ZC3H11A: variants seen among roughly 807,000 people sequenced by gnomAD.
The protein encoded by ZC3H11A is zinc finger CCCH domain-containing protein 11A.
Under a neutral mutation model 90.8 loss-of-function variants are expected in ZC3H11A, and 22 were observed. The observed-to-expected ratio is 0.24, with a 90% CI of 0.17 to 0.35. ZC3H11A has a LOEUF of 0.35. ZC3H11A is among the 10% of genes least tolerant of loss of function. ZC3H11A has a pLI of 1.00. For missense variants in ZC3H11A, 701 were observed against 964.9 expected, an observed-to-expected ratio of 0.73 and a Z score of 3.62; for synonymous variants, 294 against 339.8, an observed-to-expected ratio of 0.87 and a Z score of 1.48.
intron 5 of ZC3H11A, chr1:203,829,159 T>C: frequency 2.5e-6 from 1 of 399,364 alleles, no homozygotes. Flanking sequence ...AGAATTGCAG[T>C]ATTAAAATTA....
chr1:203,825,704 C>T (rs1021742173), intron 4 of ZC3H11A, among the ~76,000 whole-genome samples: 2 of 151,978 alleles, frequency 1.3e-5, no homozygotes, highest in Non-Finnish European at 2.9e-5. Context: ...AGATTACAGG[C>T]GTGAGCCACC....
rs779729339 is a variant in ZC3H11A, at chr1:203,815,211, C to CTTTCTTTTTTTT, written c.-145-1712_-145-1711insCTTTTTTTTTTT. ...GTTATTTCATTATTTTCTTCCTTTT[C>CTTTCTTTTTTTT]TTTTCTTTTTTTTTTTTTTTTGAGA... On this transcript the variant is annotated intron_variant, in intron 2 of 17. Transcript: ENST00000367210. Among the ~76,000 whole-genome samples, 19 of 59,410 alleles carry CTTTCTTTTTTTT rather than the reference C, an allele frequency of 3.2e-4. 1 individual carries two copies. Among genetic ancestry groups the CTTTCTTTTTTTT allele is most frequent in the East Asian group, 1.1e-3 (3 of 2,710 alleles). 39.0% of individuals were successfully genotyped at this position (59,410 alleles called of 152,430 possible). A position where few individuals can be genotyped will look rare whatever the true frequency, so the allele number is the denominator to read the frequency against.
chr1:203,819,253 A>T (rs1160097222), intron 4 of ZC3H11A, among the ~76,000 whole-genome samples: 1 of 137,862 alleles, frequency 7.3e-6, no homozygotes, highest in South Asian at 2.3e-4. Context: ...ACGGAGTCTC[A>T]CTCTGTCGCC....
chr1:203,815,379 C>CT (rs397711285), intron 2 of ZC3H11A, among the ~76,000 whole-genome samples: 58,682 of 96,164 alleles, frequency 0.61, 18,401 homozygotes, highest in Middle Eastern at 0.66. Context: ...CCACACCCAG[C>CT]TTTTTTTTTT....
intron 2 of ZC3H11A, among the ~76,000 whole-genome samples, chr1:203,807,416 G>A (rs536477486): frequency 6.6e-6 from 1 of 152,250 alleles, no homozygotes; most frequent in Admixed American, 6.5e-5. Flanking sequence ...CCCCTGAGTA[G>A]CTGGGATTAC....
chr1:203,834,557 A>G (rs1292467431), intron 10 of ZC3H11A, among the ~76,000 whole-genome samples: 1 of 151,696 alleles, frequency 6.6e-6, no homozygotes, highest in Non-Finnish European at 1.5e-5. Context: ...CAGGCATGAG[A>G]TACCATGCTT....
intron 9 of ZC3H11A, 28 bp downstream of exon 9, chr1:203,831,799 T>C (rs1249163047): frequency 1.9e-6 from 3 of 1,556,536 alleles, no homozygotes; most frequent in Non-Finnish European, 1.8e-6. Flanking sequence ...CTTAGAGTTG[T>C]CAAGCCTCTA....
intron 9 of ZC3H11A, among the ~76,000 whole-genome samples, chr1:203,832,843 C>T (rs561485277): frequency 5.3e-5 from 8 of 152,312 alleles, no homozygotes; most frequent in Middle Eastern, 6.8e-3. Flanking sequence ...CAGTTTCATT[C>T]AACATATCAA....
chr1:203,848,558 G>A (rs1451512174), intron 14 of ZC3H11A, 151 bp downstream of exon 14: 4 of 643,152 alleles, frequency 6.2e-6, no homozygotes, highest in Non-Finnish European at 1.0e-5. Context: ...AGAATTTCCT[G>A]TAGTTCTATG....
chr1:203,842,224 A>G (rs1686574130), intron 12 of ZC3H11A, among the ~76,000 whole-genome samples: 1 of 152,130 alleles, frequency 6.6e-6, no homozygotes, highest in African/African-American at 2.4e-5. Context: ...CTGCAATCTC[A>G]GCACTTTGGG....
chr1:203,822,000 G>T (rs189957531), intron 4 of ZC3H11A, among the ~76,000 whole-genome samples: 1 of 151,936 alleles, frequency 6.6e-6, no homozygotes, highest in Non-Finnish European at 1.5e-5. Flanking sequence ...CTCGTGATCC[G>T]CCCGCCTTGG....
chr1:203,819,176 G>T (rs920274135), intron 4 of ZC3H11A, among the ~76,000 whole-genome samples: 1 of 148,030 alleles, frequency 6.8e-6, no homozygotes, highest in Non-Finnish European at 1.5e-5. Flanking sequence ...ATATGTGTGT[G>T]TATATATATA....
intron 3 of ZC3H11A, among the ~76,000 whole-genome samples, chr1:203,817,381 A>G (rs1455170625): frequency 6.7e-6 from 1 of 149,694 alleles, no homozygotes; most frequent in Non-Finnish European, 1.5e-5. Context: ...TCAGTGTTCA[A>G]AATTAATCTG....
In ZC3H11A at chr1:203,815,211, C is replaced by CTTTCTTTTT. The variant is rs779729339; in HGVS notation, c.-145-1712_-145-1711insCTTTTTTTT. On this transcript the variant is annotated intron_variant, in intron 2 of 17. Transcript: ENST00000367210. ...GTTATTTCATTATTTTCTTCCTTTT[C>CTTTCTTTTT]TTTTCTTTTTTTTTTTTTTTTGAGA... Among the ~76,000 whole-genome samples, 91 of 59,368 alleles carry CTTTCTTTTT rather than the reference C, an allele frequency of 1.5e-3. 2 individuals are homozygous for CTTTCTTTTT. The highest frequency in any genetic ancestry group is 3.5e-3 in the African/African-American group (74 of 20,962). 38.9% of individuals were successfully genotyped at this position (59,368 alleles called of 152,430 possible). A position where few individuals can be genotyped will look rare whatever the true frequency, so the allele number is the denominator to read the frequency against.
intron 17 of ZC3H11A, 126 bp downstream of exon 17, chr1:203,851,250 G>A (rs1475499642): frequency 3.6e-6 from 3 of 839,188 alleles, no homozygotes; most frequent in Non-Finnish European, 5.5e-6. Context: ...CAAATTAATT[G>A]CAAGAAAGTA....
At chr1:203,851,953 A>AG (rs1210901994) in intron 17 of ZC3H11A, among the ~76,000 whole-genome samples, 188 bp from the exon 18 acceptor site, 1 of 144,006 alleles carries the variant, frequency 6.9e-6, no homozygotes, top group African/African-American at 2.6e-5. Flanking sequence ...TGGGTGACAA[A>AG]GGGAGACTCT....
chr1:203,799,240 T>A, intron 1 of ZC3H11A: 1 of 842,716 alleles, frequency 1.2e-6, no homozygotes, highest in Non-Finnish European at 1.9e-6. Context: ...GTACATGCAA[T>A]CAAAGATGGT....
At chr1:203,826,979 C>A (rs1308581295) in intron 4 of ZC3H11A, among the ~76,000 whole-genome samples, 1 of 152,134 alleles carries the variant, frequency 6.6e-6, no homozygotes, top group Non-Finnish European at 1.5e-5. Context: ...TAACCACATC[C>A]CCAAAGCTGA....
Position 203,829,772 on chromosome 1 carries a change from A to T in ZC3H11A, c.503-8A>T. 3 of 1,613,792 alleles carry T rather than the reference A, an allele frequency of 1.9e-6. No homozygotes were observed. The highest frequency in any genetic ancestry group is 2.5e-6 in the Non-Finnish European group (3 of 1,179,676). On this transcript the variant is annotated splice_region_variant and splice_polypyrimidine_tract_variant and intron_variant, in intron 6 of 17. Transcript: ENST00000367210. ...AATTGTGAATTTGCCTTAAATGTTG[A>T]TATATAGATCAGTTTTCTGAGGAAG...
Sources: gnomAD v4.1 joint callset for allele counts (sites outside exome capture counted in the v4.1 genomes callset) on GRCh38, gnomAD v4.1.1 for gene constraint, MANE v1.5 for transcripts, NCBI Gene and HGNC (gene_info 2026-07-23, HGNC 2026-07-21) for gene names.